Variants in GLMN observed in about 807,000 individuals in gnomAD.
GLMN encodes glomulin.
In GLMN, 75 loss-of-function variants were observed where a neutral mutation model predicts 87.8. The ratio of observed to expected loss-of-function variants is 0.85; its 90% confidence interval spans 0.71 to 1.04. GLMN has a LOEUF of 1.04. Ranked by LOEUF, GLMN falls within the 50% of genes least tolerant of loss-of-function variation. The pLI is 0.00. For missense variants in GLMN, 588 were observed against 658.8 expected (o/e 0.89, Z 1.18); for synonymous variants, 206 against 221.6 (o/e 0.93, Z 0.63).
At chr1:92,295,988 T>C (rs978824093) in intron 3 of GLMN, among the ~76,000 whole-genome samples, 1 of 152,196 alleles carries the variant, frequency 6.6e-6, no homozygotes, top group Admixed American at 6.5e-5. Flanking sequence ...ATTTATTATA[T>C]TGGAGGTTAC....
upstream of GLMN, among the ~76,000 whole-genome samples, chr1:92,301,210 G>A (rs536216932): frequency 6.6e-6 from 1 of 152,346 alleles, no homozygotes; most frequent in South Asian, 2.1e-4. Flanking sequence ...TTGGCCGGAT[G>A]TGGTGGCTTA....
chr1:92,316,977 T>C, the GLMN span, among the ~76,000 whole-genome samples: 2 of 152,200 alleles, frequency 1.3e-5, no homozygotes, highest in African/African-American at 4.8e-5. Flanking sequence ...GTTTAGTTCT[T>C]AGAAAAATTA....
At chr1:92,266,764 T>C (rs761219121) in intron 11 of GLMN, 23 bp from the exon 12 acceptor site, 1 of 1,552,870 alleles carries the variant, frequency 6.4e-7, no homozygotes, top group Non-Finnish European at 8.9e-7. Flanking sequence ...AAATGTAAAA[T>C]TCAGATGTAA....
At chr1:92,294,489 T>C (rs1209864677) in intron 3 of GLMN, among the ~76,000 whole-genome samples, 1 of 152,156 alleles carries the variant, frequency 6.6e-6, no homozygotes, top group Non-Finnish European at 1.5e-5. Flanking sequence ...ATTTATGAGA[T>C]TAACAATAAC....
the GLMN span, chr1:92,304,321 A>G: frequency 6.6e-7 from 1 of 1,522,906 alleles, no homozygotes; most frequent in Non-Finnish European, 9.0e-7. Flanking sequence ...ACCAAAACCA[A>G]TAAAGTCTAT....
the GLMN span, chr1:92,345,901 G>T: frequency 6.2e-7 from 1 of 1,603,156 alleles, no homozygotes; most frequent in African/African-American, 1.3e-5. Context: ...AATTGCTATG[G>T]TGTTGCTGTC....
the GLMN span, chr1:92,324,171 T>G: frequency 1.9e-6 from 3 of 1,614,164 alleles, no homozygotes; most frequent in South Asian, 1.1e-5. Flanking sequence ...CAGATCCAGA[T>G]AGTCATTTCC....
chr1:92,335,321 A>G, the GLMN span, among the ~76,000 whole-genome samples: 3 of 152,202 alleles, frequency 2.0e-5, no homozygotes, highest in African/African-American at 7.2e-5. Context: ...ATACGGGATT[A>G]TTACTATTCT....
the GLMN span, among the ~76,000 whole-genome samples, chr1:92,306,838 A>G: frequency 1.3e-5 from 2 of 152,232 alleles, no homozygotes; most frequent in Non-Finnish European, 2.9e-5. Context: ...GAAGTAAGAT[A>G]AGAATGTATA....
chr1:92,303,812 C>A (rs1651026019), upstream of GLMN, among the ~76,000 whole-genome samples: 1 of 152,044 alleles, frequency 6.6e-6, no homozygotes. Flanking sequence ...GAGCACTTCT[C>A]TAAGTGATTT....
chr1:92,248,011 G>A, intron 16 of GLMN, 22 bp from the exon 17 acceptor site: 1 of 932,822 alleles, frequency 1.1e-6, no homozygotes, highest in South Asian at 1.3e-5. Context: ...GAAAGAATGA[G>A]TTATTTAGTT....
At chr1:92,256,389 C>T (rs1041805333) in intron 16 of GLMN, among the ~76,000 whole-genome samples, 4 of 152,176 alleles carry the variant, frequency 2.6e-5, no homozygotes, top group Non-Finnish European at 5.9e-5. Flanking sequence ...GGGACTCCTC[C>T]CTAACTCATT....
chr1:92,300,360 G>C, upstream of GLMN: 1 of 719,302 alleles, frequency 1.4e-6, no homozygotes, highest in Non-Finnish European at 2.3e-6. Flanking sequence ...GAGAGGGAAG[G>C]GAAAGATCTG....
At chr1:92,329,042 G>A in the GLMN span, among the ~76,000 whole-genome samples, 1 of 152,216 alleles carries the variant, frequency 6.6e-6, no homozygotes, top group East Asian at 1.9e-4. Context: ...GGAGGTACAG[G>A]GGAGTGAAGT....
chr1:92,292,410 T>C lies in GLMN; in HGVS notation c.166-873A>G, dbSNP rs140773460. On this transcript the variant is annotated intron_variant, in intron 3 of 18. Coordinates refer to ENST00000370360, the MANE Select transcript of GLMN (RefSeq NM_053274.3). ...CTGTTTTTTAAAGTTAAATACATTC[T>C]TATTTATTTATTTATTTTGAAACTG... 1.6e-4 allele frequency among the ~76,000 whole-genome samples: 25 copies of C among 151,742 alleles called. 1 individual carries two copies. The East Asian group carries it at 4.9e-3, about 30-fold the overall frequency.
At chr1:92,360,701 T>G in the GLMN span, among the ~76,000 whole-genome samples, 125 of 152,330 alleles carry the variant, frequency 8.2e-4, no homozygotes, top group African/African-American at 2.9e-3. Context: ...TCTCCTTGCC[T>G]TAAATGTCAG....
chr1:92,286,368 A>G, intron 7 of GLMN, 122 bp downstream of exon 7: 2 of 521,076 alleles, frequency 3.8e-6, no homozygotes, highest in Non-Finnish European at 6.8e-6. Flanking sequence ...TCTTTTGTTT[A>G]TGTGTGTTCT....
the GLMN span, among the ~76,000 whole-genome samples, chr1:92,335,915 TGTTA>T: frequency 6.6e-6 from 1 of 152,318 alleles, no homozygotes; most frequent in East Asian, 1.9e-4. Flanking sequence ...ACATTTAAAC[TGTTA>T]ATATATATTG....
chr1:92,321,551 A>G, the GLMN span, among the ~76,000 whole-genome samples: 1 of 151,630 alleles, frequency 6.6e-6, no homozygotes, highest in South Asian at 2.1e-4. Context: ...TAAAGTTTTG[A>G]TAGTGTCTGT....
Sources: gnomAD v4.1 joint callset for allele counts (sites outside exome capture counted in the v4.1 genomes callset) on GRCh38, gnomAD v4.1.1 for gene constraint, MANE v1.5 for transcripts, NCBI Gene and HGNC (gene_info 2026-07-23, HGNC 2026-07-21) for gene names.